Variants in MYO3A observed in about 807,000 individuals in gnomAD.
The protein encoded by MYO3A is myosin-IIIa.
In MYO3A, 180 loss-of-function variants were observed where a neutral mutation model predicts 192.7. The ratio of observed to expected loss-of-function variants is 0.93; its 90% CI spans 0.83 to 1.06. The LOEUF is 1.06. MYO3A is among the 50% of genes least tolerant of loss of function. The probability of loss-of-function intolerance (pLI) is 0.00; values close to 1 mark genes in which losing one functional copy is unlikely to be tolerated. For missense variants in MYO3A, 1,896 were observed against 1,905.0 expected, an observed-to-expected ratio of 1.00 and a Z score of 0.09; for synonymous variants, 628 against 645.3, an observed-to-expected ratio of 0.97 and a Z score of 0.41.
At chr10:26,038,993 A>G (rs1037546981) in intron 10 of MYO3A, among the ~76,000 whole-genome samples, 1 of 152,100 alleles carries the variant, frequency 6.6e-6, no homozygotes, top group Admixed American at 6.5e-5. Flanking sequence ...TCCCTGGGAT[A>G]AATCCCACTT....
chr10:26,039,143 C>A (rs944075840), intron 10 of MYO3A, among the ~76,000 whole-genome samples: 1 of 151,002 alleles, frequency 6.6e-6, no homozygotes. Context: ...TGGGTTCAAG[C>A]GATTCTCCTG....
chr10:26,179,856 CAG>C lies in MYO3A; in HGVS notation c.4438+3014_4438+3015del, dbSNP rs1842535934. ...ATTATTAATTAATTAATTTTTGAGA[CAG>C]AGTCTCACTCTTTCACCCAGGCTGG... On this transcript the variant is annotated intron_variant, in intron 31 of 34. Transcript: ENST00000642920. Among the ~76,000 whole-genome samples the C allele has an allele frequency of 3.3e-5, 5 of 152,162 alleles. No homozygotes were observed. In the South Asian group the frequency reaches 1.0e-3, roughly 32 times the overall value.
At chr10:26,119,291 T>C (rs1838706525) in intron 17 of MYO3A, among the ~76,000 whole-genome samples, 1 of 152,104 alleles carries the variant, frequency 6.6e-6, no homozygotes, top group Non-Finnish European at 1.5e-5. Context: ...ACATATCATG[T>C]TATTTATTTG....
intron 6 of MYO3A, among the ~76,000 whole-genome samples, chr10:26,006,333 G>GAGCCAACAC (rs1841204502): frequency 6.6e-6 from 1 of 152,050 alleles, no homozygotes; most frequent in Admixed American, 6.6e-5. Flanking sequence ...AGAAAAGCAA[G>GAGCCAACAC]AGCCAACACA....
intron 4 of MYO3A, among the ~76,000 whole-genome samples, chr10:25,982,941 A>G (rs1315253709): frequency 6.6e-6 from 1 of 152,118 alleles, no homozygotes; most frequent in East Asian, 1.9e-4. Context: ...CCAAACCAAG[A>G]TGAAATCTCT....
At chr10:26,061,706 C>T (rs576906719) in intron 10 of MYO3A, among the ~76,000 whole-genome samples, 25 of 152,226 alleles carry the variant, frequency 1.6e-4, no homozygotes, top group South Asian at 4.2e-4. Flanking sequence ...AAGTTTTTGA[C>T]GGCTAATACC....
chr10:25,988,963 T>C (rs960255159), intron 4 of MYO3A, among the ~76,000 whole-genome samples: 152 of 127,884 alleles, frequency 1.2e-3, no homozygotes, highest in African/African-American at 4.0e-3. Context: ...TTTTTTTTAC[T>C]TTTTTTTTAG....
intron 11 of MYO3A, among the ~76,000 whole-genome samples, chr10:26,067,738 C>G (rs1376002288): frequency 6.6e-6 from 1 of 152,204 alleles, no homozygotes; most frequent in African/African-American, 2.4e-5. Flanking sequence ...CTACTTTCCC[C>G]TCACCCTTCT....
chr10:26,144,193 T>G (rs147650541), intron 21 of MYO3A, among the ~76,000 whole-genome samples: 53 of 152,128 alleles, frequency 3.5e-4, no homozygotes, highest in East Asian at 3.3e-3. Flanking sequence ...TGAAAATGTC[T>G]TACTCCTTAA....
intron 6 of MYO3A, among the ~76,000 whole-genome samples, chr10:26,003,747 T>C (rs1222451753): frequency 6.6e-6 from 1 of 152,198 alleles, no homozygotes; most frequent in Non-Finnish European, 1.5e-5. Flanking sequence ...TTCTTATTTC[T>C]GCGGATTTCT....
chr10:26,145,165 A>C, intron 21 of MYO3A, among the ~76,000 whole-genome samples: 1 of 147,730 alleles, frequency 6.8e-6, no homozygotes, highest in South Asian at 2.2e-4. Flanking sequence ...GGCAACAAGA[A>C]CGAAACTCTG....
At chr10:25,964,724 T>A (rs1838156713) in intron 4 of MYO3A, among the ~76,000 whole-genome samples, 1 of 152,198 alleles carries the variant, frequency 6.6e-6, no homozygotes, top group Non-Finnish European at 1.5e-5. Context: ...TTATTCCTTA[T>A]TAATTTTGTT....
intron 10 of MYO3A, among the ~76,000 whole-genome samples, chr10:26,035,966 G>A (rs1189920538): frequency 2.0e-5 from 3 of 151,372 alleles, no homozygotes; most frequent in South Asian, 2.1e-4. Context: ...TGGAGTCTCC[G>A]GCTGTCGCCC....
At position 26,045,864 on chromosome 10, in the gene MYO3A, C is replaced by T. The variant is rs183027064; in HGVS notation, c.953+19332C>T. ...CGTTTCTACAAGGTTGTCCATGCTT[C>T]ATTTGTGCCTATCCAGTGAAGTCTC... On this transcript the variant is annotated intron_variant, in intron 10 of 34. Coordinates refer to ENST00000642920, the MANE Select transcript of MYO3A (RefSeq NM_017433.5). Among the ~76,000 whole-genome samples the T allele has an allele frequency of 2.0e-4, 30 of 152,272 alleles. 2 individuals are homozygous for T. Among genetic ancestry groups the T allele is most frequent in the Middle Eastern group, 3.4e-3 (1 of 294 alleles).
chr10:25,974,156 C>A (rs1242935763), intron 4 of MYO3A, among the ~76,000 whole-genome samples: 1 of 152,114 alleles, frequency 6.6e-6, no homozygotes, highest in Non-Finnish European at 1.5e-5. Flanking sequence ...GAACAGGCAG[C>A]CTACAGAATG....
intron 14 of MYO3A, among the ~76,000 whole-genome samples, chr10:26,074,300 T>C (rs1835394053): frequency 6.6e-6 from 1 of 152,088 alleles, no homozygotes; most frequent in Admixed American, 6.5e-5. Context: ...ATTCACTTTT[T>C]TCCTTATGCA....
intron 20 of MYO3A, among the ~76,000 whole-genome samples, chr10:26,138,399 C>T (rs1302550821): frequency 6.6e-6 from 1 of 152,180 alleles, no homozygotes; most frequent in Non-Finnish European, 1.5e-5. Context: ...GGTCTTCCAA[C>T]TGTATTTTTT....
rs1184178338 is a variant in MYO3A at position 26,077,337 on chromosome 10, T to C, written c.1359+6936T>C. Among the ~76,000 whole-genome samples, 4 of 149,430 alleles carry C rather than the reference T, an allele frequency of 2.7e-5. No individual in the cohort carries two copies. The Admixed American group carries it at 2.7e-4, about 10-fold the overall frequency. On this transcript the variant is annotated intron_variant, in intron 14 of 34. Coordinates refer to ENST00000642920, the MANE Select transcript of MYO3A (RefSeq NM_017433.5). ...GGTATATAGAAGAATTACTGATTTG[T>C]ATATATTAATCTCGTATCTGGAAAC...
rs138106854 is a variant in MYO3A at position 26,102,015 on chromosome 10, C to T, written c.1776+5333C>T. 6.8e-3 allele frequency among the ~76,000 whole-genome samples: 1,034 copies of T among 152,290 alleles called. 18 individuals carry two copies. Among genetic ancestry groups the T allele is most frequent in the African/African-American group, 0.024 (981 of 41,556 alleles). ...GTTTTCCAACTTGGTTCCATTGTCCCTGTCACTTTCAGGTACACCAATCAG... is the reference window on the plus strand; with the variant it reads ...GTTTTCCAACTTGGTTCCATTGTCCTTGTCACTTTCAGGTACACCAATCAG... On this transcript the variant is annotated intron_variant, in intron 17 of 34. Coordinates refer to ENST00000642920, the MANE Select transcript of MYO3A (RefSeq NM_017433.5).
Sources: allele counts gnomAD v4.1 joint callset (sites outside exome capture counted in the v4.1 genomes callset), GRCh38; gene constraint gnomAD v4.1.1; transcripts MANE v1.5; gene names NCBI Gene and HGNC (gene_info 2026-07-23, HGNC 2026-07-21).